The following ETV6 variants were observed in gnomAD, a reference collection of about 807,000 sequenced individuals.
The protein encoded by ETV6 is ETS variant transcription factor 6, also known as transcription factor ETV6.
Under a neutral mutation model 51.1 loss-of-function variants are expected in ETV6, and 16 were observed. The observed-to-expected ratio is 0.31, with a 90% CI of 0.21 to 0.48. The LOEUF is 0.48. Among genes scored for constraint, ETV6 ranks in the 20% least tolerant of loss-of-function variants. The probability of loss-of-function intolerance (pLI) is 0.99; values close to 1 mark genes in which losing one functional copy is unlikely to be tolerated. For missense variants in ETV6, 458 were observed against 594.8 expected, an observed-to-expected ratio of 0.77 and a Z score of 2.39; for synonymous variants, 240 against 224.1, an observed-to-expected ratio of 1.07 and a Z score of -0.64.
intron 1 of ETV6, among the ~76,000 whole-genome samples, chr12:11,735,038 T>A (rs978527803): frequency 5.3e-5 from 8 of 151,572 alleles, no homozygotes; most frequent in African/African-American, 1.9e-4. Flanking sequence ...CAAAATGTCT[T>A]CGTAATTTAT....
At chr12:11,677,794 C>T (rs1050186192) in intron 1 of ETV6, among the ~76,000 whole-genome samples, 5 of 152,202 alleles carry the variant, frequency 3.3e-5, no homozygotes, top group Non-Finnish European at 5.9e-5. Context: ...GATAGTAGCA[C>T]CTACTTTATA....
chr12:11,672,681 G>A lies in ETV6; in HGVS notation c.33+22521G>A, dbSNP rs183624964. On this transcript the variant is annotated intron_variant, in intron 1 of 7. Coordinates refer to ENST00000396373, the MANE Select transcript of ETV6 (RefSeq NM_001987.5). ...GTAAATCATGCTGCTCATAACAGAC[G>A]GCCACCTTACTGAAATCTCACTGAC... Among the ~76,000 whole-genome samples, 12 of 152,200 alleles carry A rather than the reference G, an allele frequency of 7.9e-5. No homozygotes were observed. In the East Asian group the frequency reaches 1.7e-3, roughly 22 times the overall value.
chr12:11,809,886 C>A lies in ETV6; in HGVS notation c.164-29254C>A, dbSNP rs1945888457. 3.1e-5 allele frequency among the ~76,000 whole-genome samples: 4 copies of A among 129,534 alleles called. No homozygotes were observed. The South Asian group carries it at 1.0e-3, about 33-fold the overall frequency. 85.0% of individuals were successfully genotyped at this position (129,534 alleles called of 152,430 possible). A position where few individuals can be genotyped will look rare whatever the true frequency, so the allele number is the denominator to read the frequency against. ...CCAGGCTGGAGTGCAGTGGCGTGAT[C>A]TCAGCTCACTGCAACTTCCGCCTCC... On this transcript the variant is annotated intron_variant, in intron 2 of 7. Transcript: ENST00000396373.
chr12:11,650,093 A>C lies in ETV6; in HGVS notation c.-35A>C, dbSNP rs1452509217. ...GGGAGAGGAAAGGAAAGTGGAAAAA[A>C]CCTGAGAACTTCCTGATCTCTCTCG... On this transcript the variant is annotated 5_prime_UTR_variant, in exon 1 of 8. Transcript: ENST00000396373. The C allele has an allele frequency of 6.2e-7, 1 of 1,609,908 alleles. No individual in the cohort carries two copies. The highest frequency in any genetic ancestry group is 1.1e-5 in the South Asian group (1 of 90,968).
rs962330831 is a variant in ETV6 at position 11,892,700 on chromosome 12, C to T, written c.*1654C>T. The T allele has an allele frequency of 6.9e-5, 16 of 233,022 alleles. No individual in the cohort carries two copies. The highest frequency in any genetic ancestry group is 2.9e-4 in the African/African-American group (13 of 45,314). The allele number at this position is 233,022 out of a possible 1,614,324, so 14.4% of individuals were successfully genotyped here. The stretch of plus-strand genomic sequence containing the variant: ...CTCCTCCGGGATACATATGTGCCCT[C>T]AGCAGCAGCTCCCAGGTGAAGTTAC... On this transcript the variant is annotated 3_prime_UTR_variant, in exon 8 of 8. Transcript: ENST00000396373.
At chr12:11,785,199 G>T (rs1287251737) in intron 2 of ETV6, among the ~76,000 whole-genome samples, 1 of 152,044 alleles carries the variant, frequency 6.6e-6, no homozygotes, top group Non-Finnish European at 1.5e-5. Flanking sequence ...AAGACATGAT[G>T]GCAGGCCGTA....
chr12:11,670,026 G>C (rs546727113), intron 1 of ETV6, among the ~76,000 whole-genome samples: 1 of 151,700 alleles, frequency 6.6e-6, no homozygotes, highest in African/African-American at 2.4e-5. Flanking sequence ...CAAAATGACT[G>C]TGTTAGTACT....
intron 1 of ETV6, among the ~76,000 whole-genome samples, chr12:11,730,581 G>A (rs901246356): frequency 6.6e-6 from 1 of 152,238 alleles, no homozygotes; most frequent in Non-Finnish European, 1.5e-5. Context: ...TCTCCTGTGA[G>A]GGAGCCATGT....
chr12:11,840,113 C>T (rs943408885), intron 3 of ETV6, among the ~76,000 whole-genome samples: 4 of 152,152 alleles, frequency 2.6e-5, no homozygotes, highest in African/African-American at 9.7e-5. Context: ...AGAAGTAGGA[C>T]TCGTTTGAGG....
At chr12:11,699,790 T>C (rs1222757021) in intron 1 of ETV6, among the ~76,000 whole-genome samples, 1 of 152,118 alleles carries the variant, frequency 6.6e-6, no homozygotes, top group South Asian at 2.1e-4. Flanking sequence ...TCCTCCCAGC[T>C]GGAGGACCTT....
chr12:11,795,378 G>C (rs1251796432), intron 2 of ETV6, among the ~76,000 whole-genome samples: 2 of 152,214 alleles, frequency 1.3e-5, no homozygotes, highest in Non-Finnish European at 2.9e-5. Context: ...CCCTATCCTT[G>C]GAACTGGTGC....
intron 1 of ETV6, among the ~76,000 whole-genome samples, chr12:11,692,073 T>G (rs35742108): frequency 0.046 from 6,962 of 152,298 alleles, 180 homozygotes; most frequent in East Asian, 0.12. Flanking sequence ...ATCCCCGGTA[T>G]GGCAGTATTG....
At chr12:11,789,658 AGATT>A (rs1945551366) in intron 2 of ETV6, among the ~76,000 whole-genome samples, 1 of 152,128 alleles carries the variant, frequency 6.6e-6, no homozygotes, top group Non-Finnish European at 1.5e-5. Flanking sequence ...CATACTTGAT[AGATT>A]ATTTCCTCAT....
intron 2 of ETV6, among the ~76,000 whole-genome samples, chr12:11,764,107 T>C (rs1945129345): frequency 2.6e-5 from 4 of 152,232 alleles, no homozygotes; most frequent in African/African-American, 9.6e-5. Context: ...TAAATCATTA[T>C]GGCAGGAGAT....
chr12:11,795,065 A>C (rs774127150), intron 2 of ETV6, among the ~76,000 whole-genome samples: 1 of 152,250 alleles, frequency 6.6e-6, no homozygotes, highest in Non-Finnish European at 1.5e-5. Context: ...CTGTTCAGGG[A>C]TAGTCTAAGA....
chr12:11,893,234 A>AT lies in ETV6; in HGVS notation c.*2194dup, dbSNP rs939938355. ...TGATTTTAAGAATGGAGAGAAAGGG[A>AT]TTTTTTACTGCATCCCTCTGTATGA... On this transcript the variant is annotated 3_prime_UTR_variant, in exon 8 of 8. Transcript: ENST00000396373. 3.0e-5 allele frequency: 7 copies of AT among 232,552 alleles called. No homozygotes were observed. Among genetic ancestry groups the AT allele is most frequent in the Admixed American group, 1.7e-4 (3 of 17,742 alleles). 14.4% of individuals were successfully genotyped at this position (232,552 alleles called of 1,614,324 possible). A position where few individuals can be genotyped will look rare whatever the true frequency, so the allele number is the denominator to read the frequency against.
At chr12:11,845,419 G>A (rs573837889) in intron 3 of ETV6, among the ~76,000 whole-genome samples, 1 of 152,032 alleles carries the variant, frequency 6.6e-6, no homozygotes, top group East Asian at 1.9e-4. Context: ...AGCTTATTTT[G>A]TTTATCTCAC....
chr12:11,862,272 G>A (rs1407797249), intron 4 of ETV6, among the ~76,000 whole-genome samples: 1 of 152,092 alleles, frequency 6.6e-6, no homozygotes, highest in African/African-American at 2.4e-5. Context: ...AAGGGAGTTC[G>A]GTGACATTGG....
At position 11,793,483 on chromosome 12, in the gene ETV6, C is replaced by T. The variant is rs141423737; in HGVS notation, c.163+40904C>T. Among the ~76,000 whole-genome samples, 4 of 152,358 alleles carry T rather than the reference C, an allele frequency of 2.6e-5. No homozygotes were observed. The East Asian group carries it at 7.7e-4, about 29-fold the overall frequency. ...AAAGAAAGCCATGCTGTTCCTTCCA[C>T]ACACCATCTCATTCAAAACCAATGG... On this transcript the variant is annotated intron_variant, in intron 2 of 7. Coordinates refer to ENST00000396373, the MANE Select transcript of ETV6 (RefSeq NM_001987.5).
Sources: allele counts gnomAD v4.1 joint callset (sites outside exome capture counted in the v4.1 genomes callset), GRCh38; gene constraint gnomAD v4.1.1; transcripts MANE v1.5; gene names NCBI Gene and HGNC (gene_info 2026-07-23, HGNC 2026-07-21).